The following SLC13A4 variants were observed in gnomAD, a reference collection of about 807,000 sequenced individuals.
The protein encoded by SLC13A4 is Na(+)/sulfate cotransporter SUT-1.
Under a neutral mutation model 72.7 loss-of-function variants are expected in SLC13A4, and 28 were observed. That is an observed-to-expected ratio of 0.39 (90% CI 0.29 to 0.53). The LOEUF is 0.53. Ranked by LOEUF, SLC13A4 falls within the 20% of genes least tolerant of loss-of-function variation. The pLI, the probability that SLC13A4 is intolerant of heterozygous loss-of-function variation, is 0.78. For missense variants in SLC13A4, 653 were observed against 788.0 expected, an observed-to-expected ratio of 0.83 and a Z score of 2.05; for synonymous variants, 312 against 325.5, an observed-to-expected ratio of 0.96 and a Z score of 0.45.
Position 135,721,438 on chromosome 7 carries a change from G to A in SLC13A4, c.185C>T (p.Pro62Leu). 3.7e-6 allele frequency: 6 copies of A among 1,614,114 alleles called. No homozygotes were observed. The South Asian group carries it at 4.4e-5, about 12-fold the overall frequency. Residue 62 changes from proline to leucine, a missense_variant, in exon 2 of 16, where the codon CCG (proline) becomes CTG (leucine). Pro to Leu is a moderately conservative substitution (Grantham distance 98). Transcript: ENST00000682651. ...AVPLGAAALVPAFLYPFFGVL... is the reference protein window; with the variant it reads ...AVPLGAAALVLAFLYPFFGVL... ...TCCGAAGAACGGGTAAAGGAAGGCCGGCACCAGGGCTGCAGCTCCCAGAGG... is the reference window on the plus strand; with the variant it reads ...TCCGAAGAACGGGTAAAGGAAGGCCAGCACCAGGGCTGCAGCTCCCAGAGG...
chr7:135,711,243 C>A (rs927693955), intron 2 of SLC13A4, among the ~76,000 whole-genome samples: 1 of 152,126 alleles, frequency 6.6e-6, no homozygotes, highest in Non-Finnish European at 1.5e-5. Context: ...CACAGCCCTG[C>A]GAAGCTTTTC....
chr7:135,713,936 C>G (rs1796360569), intron 2 of SLC13A4, among the ~76,000 whole-genome samples: 2 of 152,210 alleles, frequency 1.3e-5, no homozygotes, highest in South Asian at 4.1e-4. Context: ...TGGCCTGGCT[C>G]CCGCTCAGTG....
intron 2 of SLC13A4, among the ~76,000 whole-genome samples, chr7:135,715,537 G>A (rs1467485779): frequency 6.6e-6 from 1 of 151,876 alleles, no homozygotes; most frequent in Non-Finnish European, 1.5e-5. Context: ...GTGTGCCAGT[G>A]TGTGTGCTGG....
chr7:135,710,346 AGATCGCGCCACTGCACTCCAGCCTGG>A (rs1478682864), intron 2 of SLC13A4, among the ~76,000 whole-genome samples: 1 of 152,246 alleles, frequency 6.6e-6, no homozygotes, highest in Non-Finnish European at 1.5e-5. Flanking sequence ...CAGTAAGCCG[AGATCGCGCCACTGCACTCCAGCCTGG>A]GCGACAGAGC....
chr7:135,696,498 G>A (rs1314323025), intron 8 of SLC13A4, among the ~76,000 whole-genome samples: 1 of 152,020 alleles, frequency 6.6e-6, no homozygotes, highest in Non-Finnish European at 1.5e-5. Flanking sequence ...ACATACAGGA[G>A]CACACTACCA....
intron 2 of SLC13A4, among the ~76,000 whole-genome samples, 197 bp downstream of exon 2, chr7:135,721,198 G>A (rs948480269): frequency 6.6e-6 from 1 of 152,218 alleles, no homozygotes; most frequent in Non-Finnish European, 1.5e-5. Context: ...GTTTGAAGGA[G>A]ATGAGGATCA....
chr7:135,684,206 A>G lies in SLC13A4; in HGVS notation c.1664T>C (p.Ile555Thr), dbSNP rs758467088. ...LYTLIPVTMC[I>T]SFAVMLPVGN... ...CACAGGCAGCATCACTGCAAAGGAG[A>G]TGCACATGGTGACTGGGATCAGGGT... The change falls in exon 15 of 16, where the codon ATC (isoleucine) becomes ACC (threonine). Residue 555 changes from isoleucine (I) to threonine (T), a missense_variant. Physicochemically the swap from Ile to Thr is moderately conservative, Grantham distance 89. Transcript: ENST00000682651. 1 of 1,613,048 alleles carries G rather than the reference A, an allele frequency of 6.2e-7. No homozygotes were observed. The highest frequency in any genetic ancestry group is 8.5e-7 in the Non-Finnish European group (1 of 1,179,416).
chr7:135,721,816 A>T (rs918642222), intron 1 of SLC13A4, among the ~76,000 whole-genome samples: 15 of 152,214 alleles, frequency 9.9e-5, no homozygotes, highest in African/African-American at 3.6e-4. Flanking sequence ...TGGGGACTGA[A>T]CTTAACTGCA....
chr7:135,705,626 G>A lies in SLC13A4; in HGVS notation c.563C>T (p.Pro188Leu), dbSNP rs866359706. 1 of 1,614,040 alleles carries A rather than the reference G, an allele frequency of 6.2e-7. No homozygotes were observed. The highest frequency in any genetic ancestry group is 1.3e-5 in the African/African-American group (1 of 74,936). ...ATTGACAAAGATGAGTTCCAGAGAA[G>A]GTTGGCTGTTCTTTACATCCAGACC... Reference protein sequence around the residue: ...PISLDVKNSQPSLELIFVNED... With the variant: ...PISLDVKNSQLSLELIFVNED... Residue 188 changes from proline (P) to leucine (L), a missense_variant, in exon 5 of 16, where the codon CCT becomes CTT. Physicochemically the swap from Pro to Leu is moderately conservative, Grantham distance 98 (BLOSUM62 -3). Coordinates refer to ENST00000682651, the MANE Select transcript of SLC13A4 (RefSeq NM_001318192.2).
chr7:135,718,426 G>A (rs1274967393), intron 2 of SLC13A4, among the ~76,000 whole-genome samples: 1 of 151,966 alleles, frequency 6.6e-6, no homozygotes, highest in Non-Finnish European at 1.5e-5. Context: ...CTGCAATCAA[G>A]AGCTGTGAAT....
intron 13 of SLC13A4, among the ~76,000 whole-genome samples, chr7:135,689,728 C>T (rs1795733402): frequency 1.3e-5 from 2 of 152,140 alleles, no homozygotes; most frequent in African/African-American, 4.8e-5. Flanking sequence ...GTTCCCTGCC[C>T]AGGGAGTACC....
intron 3 of SLC13A4, among the ~76,000 whole-genome samples, chr7:135,706,671 T>C (rs1796170645): frequency 1.3e-5 from 2 of 152,168 alleles, no homozygotes; most frequent in African/African-American, 4.8e-5. Flanking sequence ...TGGAAGGCAA[T>C]ACTTTGTTTG....
chr7:135,681,233 T>G lies in SLC13A4; in HGVS notation c.*330A>C. 1 of 203,838 alleles carries G rather than the reference T, an allele frequency of 4.9e-6. No individual in the cohort carries two copies. The highest frequency in any genetic ancestry group is 1.1e-4 in the East Asian group (1 of 9,226). The allele number at this position is 203,838 out of a possible 1,614,324, so 12.6% of individuals were successfully genotyped here. Reference sequence around the variant, plus strand: ...GGATTACAAAGACTAGATACAACTTTAGGTTTTCTTTGTCTTCTTTTTTTT... The same window carrying G: ...GGATTACAAAGACTAGATACAACTTGAGGTTTTCTTTGTCTTCTTTTTTTT... On this transcript the variant is annotated 3_prime_UTR_variant, in exon 16 of 16. Transcript: ENST00000682651.
intron 9 of SLC13A4, 67 bp from the exon 10 acceptor site, chr7:135,694,305 G>C (rs1795855281): frequency 3.1e-6 from 3 of 981,232 alleles, no homozygotes; most frequent in Non-Finnish European, 4.8e-6. Flanking sequence ...TCAAATATTA[G>C]GTAAATACTA....
At chr7:135,725,187 A>T (rs1796630784) in intron 1 of SLC13A4, among the ~76,000 whole-genome samples, 1 of 152,244 alleles carries the variant, frequency 6.6e-6, no homozygotes, top group Non-Finnish European at 1.5e-5. Context: ...AGAGTTCGAA[A>T]GTGGCATTTC....
chr7:135,721,108 C>A (rs563863740), intron 2 of SLC13A4, among the ~76,000 whole-genome samples: 1 of 152,144 alleles, frequency 6.6e-6, no homozygotes, highest in African/African-American at 2.4e-5. Context: ...TCACACAGCT[C>A]CTAAAAGGCT....
At chr7:135,712,036 C>G (rs1000714901) in intron 2 of SLC13A4, among the ~76,000 whole-genome samples, 4 of 122,234 alleles carry the variant, frequency 3.3e-5, no homozygotes, top group Non-Finnish European at 4.8e-5. Context: ...GTTGGCCAGG[C>G]TGGTCTTAAA....
chr7:135,692,521 A>C (rs1584719876), intron 10 of SLC13A4, 97 bp from the exon 11 acceptor site: 1 of 791,582 alleles, frequency 1.3e-6, no homozygotes. Context: ...GAGTTTCAAT[A>C]CCCTAGACAT....
intron 2 of SLC13A4, among the ~76,000 whole-genome samples, chr7:135,720,589 A>G (rs77662994): frequency 0.045 from 6,782 of 151,780 alleles, 197 homozygotes; most frequent in South Asian, 0.085. Context: ...AAACAAAACA[A>G]AAACCCTAAG....
Sources: gnomAD v4.1 joint callset for allele counts (sites outside exome capture counted in the v4.1 genomes callset) on GRCh38, gnomAD v4.1.1 for gene constraint, MANE v1.5 for transcripts, NCBI Gene and HGNC (gene_info 2026-07-23, HGNC 2026-07-21) for gene names.